The following PDZD2 variants were observed in gnomAD, a reference collection of about 807,000 sequenced individuals.
PDZD2 encodes the protein PDZ domain-containing protein 2.
In PDZD2, 90 loss-of-function variants were observed where a neutral mutation model predicts 220.7. The ratio of observed to expected loss-of-function variants is 0.41; its 90% CI spans 0.34 to 0.49. PDZD2 has a LOEUF of 0.49. PDZD2 is among the 20% of genes least tolerant of loss of function. PDZD2 has a pLI of 0.28. For missense variants in PDZD2, 3,174 were observed against 3,608.5 expected, an observed-to-expected ratio of 0.88 and a Z score of 3.08; for synonymous variants, 1,375 against 1,450.5, an observed-to-expected ratio of 0.95 and a Z score of 1.18.
intron 2 of PDZD2, among the ~76,000 whole-genome samples, chr5:31,853,797 T>C (rs1307359756): frequency 6.6e-6 from 1 of 152,134 alleles, no homozygotes; most frequent in Non-Finnish European, 1.5e-5. Context: ...TGACTTAACC[T>C]GAACCCCAAG....
intron 3 of PDZD2, among the ~76,000 whole-genome samples, chr5:31,993,948 G>C (rs1751432221): frequency 6.6e-6 from 1 of 152,150 alleles, no homozygotes; most frequent in Non-Finnish European, 1.5e-5. Context: ...ATAAACCAAG[G>C]TGGAAAAGCT....
chr5:32,090,437 C>T lies in PDZD2; in HGVS notation c.6989C>T (p.Thr2330Ile), dbSNP rs749147768. The T allele has an allele frequency of 1.9e-5, 31 of 1,614,104 alleles. No individual in the cohort carries two copies. The highest frequency in any genetic ancestry group is 2.5e-5 in the Non-Finnish European group (29 of 1,180,038). Residue 2330 changes from threonine (T) to isoleucine (I), a missense_variant, in exon 20 of 25, where the codon ACC (threonine) becomes ATC (isoleucine). Transcript: ENST00000438447. The surrounding 1 kb of genome is among the most constrained non-coding windows in gnomAD (Gnocchi z 4.3). ...CYEQNWPHES[T>I]SFFSVKQRIK... ...GAGCAGAACTGGCCCCATGAATCTA[C>T]CTCATTTTTCTCTGTGAAGCAGCGG...
intron 6 of PDZD2, among the ~76,000 whole-genome samples, chr5:32,013,552 A>G (rs899737553): frequency 1.3e-5 from 2 of 152,100 alleles, no homozygotes; most frequent in Non-Finnish European, 2.9e-5. Context: ...GTCATAACAC[A>G]CTAGATTTGG....
intron 1 of PDZD2, among the ~76,000 whole-genome samples, chr5:31,789,506 T>G (rs1473547759): frequency 6.6e-6 from 1 of 152,270 alleles, no homozygotes; most frequent in Non-Finnish European, 1.5e-5. Flanking sequence ...CCAGGTAGCA[T>G]TTCCAGACTA....
At chr5:32,034,670 A>AACTCACTCTCTGGT (rs768507308) in intron 6 of PDZD2, among the ~76,000 whole-genome samples, 1 of 152,054 alleles carries the variant, frequency 6.6e-6, no homozygotes, top group Non-Finnish European at 1.5e-5. Context: ...CCAGGAATTT[A>AACTCACTCTCTGGT]ACTCACTCTC....
intron 1 of PDZD2, among the ~76,000 whole-genome samples, chr5:31,652,177 G>C (rs1745379507): frequency 1.6e-5 from 2 of 124,738 alleles, no homozygotes; most frequent in African/African-American, 2.8e-5. Flanking sequence ...GTTTGTTTTA[G>C]AGACAGTGTC....
At chr5:31,708,592 T>C (rs1747935740) in intron 1 of PDZD2, among the ~76,000 whole-genome samples, 1 of 152,196 alleles carries the variant, frequency 6.6e-6, no homozygotes, top group Non-Finnish European at 1.5e-5. Flanking sequence ...TTTCTGAAAA[T>C]CATGATTTAT....
chr5:31,673,426 C>A (rs995913556), intron 1 of PDZD2, among the ~76,000 whole-genome samples: 1 of 152,160 alleles, frequency 6.6e-6, no homozygotes, highest in Non-Finnish European at 1.5e-5. Context: ...TAAGTCCTAC[C>A]TAGAACAAGA....
chr5:32,051,856 C>T (rs1261252407), intron 8 of PDZD2, among the ~76,000 whole-genome samples: 5 of 152,144 alleles, frequency 3.3e-5, no homozygotes, highest in Non-Finnish European at 7.3e-5. Context: ...TTATAAGAAA[C>T]AAGGGCTTGC....
intron 2 of PDZD2, among the ~76,000 whole-genome samples, chr5:31,821,387 A>ATTT (rs11388695): frequency 1.1e-5 from 1 of 92,534 alleles, no homozygotes; most frequent in Non-Finnish European, 2.5e-5. Flanking sequence ...TATTATTATT[A>ATTT]TTTTTTTTTT....
At chr5:32,011,848 T>C (rs1753346575) in intron 6 of PDZD2, among the ~76,000 whole-genome samples, 1 of 152,172 alleles carries the variant, frequency 6.6e-6, no homozygotes, top group African/African-American at 2.4e-5. Context: ...GTTGTGCAGG[T>C]TGTGGACTGC....
intron 13 of PDZD2, 48 bp downstream of exon 13, chr5:32,059,404 T>C (rs371197132): frequency 2.3e-5 from 21 of 932,744 alleles, no homozygotes; most frequent in Non-Finnish European, 3.2e-5. Context: ...TTCATAAATA[T>C]GAAATATACA....
chr5:31,866,758 T>C (rs922928540), intron 2 of PDZD2, among the ~76,000 whole-genome samples: 7 of 152,206 alleles, frequency 4.6e-5, no homozygotes, highest in African/African-American at 1.7e-4. Flanking sequence ...TGACTATTAG[T>C]GAATTTTCAT....
chr5:31,855,135 G>GA, intron 2 of PDZD2: 2 of 984,772 alleles, frequency 2.0e-6, no homozygotes, highest in Non-Finnish European at 2.4e-6. Flanking sequence ...GAGCTCCGGA[G>GA]AGGAACCCTC....
chr5:32,044,234 CAGG>C (rs1208063086), intron 7 of PDZD2, among the ~76,000 whole-genome samples: 2 of 152,106 alleles, frequency 1.3e-5, no homozygotes, highest in South Asian at 2.1e-4. Flanking sequence ...GAGGCTGAGA[CAGG>C]AGAATCGCTT....
intron 5 of PDZD2, among the ~76,000 whole-genome samples, chr5:32,002,699 CCACCAACACACACACCCCACA>C (rs1752270674): frequency 3.1e-5 from 4 of 127,194 alleles, no homozygotes; most frequent in East Asian, 2.4e-4. Flanking sequence ...ACCACACACA[CCACCAACACACACACCCCACA>C]CACCAACACA....
In PDZD2 at chr5:32,090,609, C is replaced by T. The variant is rs184833310; in HGVS notation, c.7161C>T (p.Asp2387=). 2.7e-5 allele frequency: 43 copies of T among 1,614,026 alleles called. No homozygotes were observed. Among genetic ancestry groups the T allele is most frequent in the African/African-American group, 1.7e-4 (13 of 75,032 alleles). ...CCGGGAGCCTGGGCCACCCAGGTGA[C>T]GCAGCAGCAAGGTTGTTGAGACGCA... The part of the protein sequence containing the change: ...IVSGSLGHPG[D]AAARLLRRSL... Residue 2387 remains aspartate (D), a synonymous_variant, in exon 20 of 25, where the codon GAC becomes GAT. Coordinates refer to ENST00000438447, the MANE Select transcript of PDZD2 (RefSeq NM_178140.4). This position sits in a 1 kb window ranked among gnomAD's most constrained non-coding sequence, Gnocchi z 4.3.
chr5:31,726,758 G>A (rs749619385), intron 1 of PDZD2, among the ~76,000 whole-genome samples: 2 of 152,292 alleles, frequency 1.3e-5, no homozygotes, highest in Admixed American at 6.5e-5. Flanking sequence ...GTGTTCTAGA[G>A]CACAAGTTTG....
rs1411041406 is a variant in PDZD2, at chr5:31,639,518, C to G, written c.-361+81C>G. Reference sequence around the variant, plus strand: ...GGGGGAGGCCCGGCACCCCCGAGACCGTGTGTGCCCAGGAAAGTTTAGCTA... The same window carrying G: ...GGGGGAGGCCCGGCACCCCCGAGACGGTGTGTGCCCAGGAAAGTTTAGCTA... On this transcript the variant is annotated intron_variant, in intron 1 of 24. Transcript: ENST00000438447. This position sits in a 1 kb window ranked among gnomAD's most constrained non-coding sequence, Gnocchi z 4.1. The G allele has an allele frequency of 6.6e-6, 1 of 151,978 alleles. No homozygotes were observed. Among genetic ancestry groups the G allele is most frequent in the Non-Finnish European group, 1.5e-5 (1 of 67,910 alleles). 9.4% of individuals were successfully genotyped at this position (151,978 alleles called of 1,614,324 possible). A position where few individuals can be genotyped will look rare whatever the true frequency, so the allele number is the denominator to read the frequency against.
Sources: gnomAD v4.1 joint callset for allele counts (sites outside exome capture counted in the v4.1 genomes callset) on GRCh38, gnomAD v4.1.1 for gene constraint, Gnocchi (gnomAD v3.1) non-coding constraint, MANE v1.5 for transcripts, NCBI Gene and HGNC (gene_info 2026-07-23, HGNC 2026-07-21) for gene names.